Variants in FRMPD4 observed in about 807,000 individuals in gnomAD.
The protein encoded by FRMPD4 is FERM and PDZ domain containing 4, also known as FERM and PDZ domain-containing protein 4.
A neutral mutation model predicts 94.1 loss-of-function variants in FRMPD4; 22 were observed. That is an observed-to-expected ratio of 0.23 (90% CI 0.17 to 0.33). FRMPD4 has a LOEUF of 0.33. Among genes scored for constraint, FRMPD4 ranks in the 10% least tolerant of loss-of-function variants. FRMPD4 has a pLI of 1.00. For synonymous variants in FRMPD4, 631 were observed against 548.6 expected (o/e 1.15, Z -2.10); for missense variants, 1,111 against 1,339.9 (o/e 0.83, Z 2.67).
intron 1 of FRMPD4, among the ~76,000 whole-genome samples, chrX:12,380,115 A>G (rs2056299507): frequency 8.9e-6 from 1 of 111,881 alleles, no homozygotes; most frequent in Admixed American, 9.5e-5. Context: ...CACATTCTTC[A>G]ATTGTTCTGA....
intron 2 of FRMPD4, among the ~76,000 whole-genome samples, chrX:12,575,021 G>A (rs992577711): frequency 3.7e-4 from 41 of 111,501 alleles, no homozygotes; most frequent in African/African-American, 1.2e-3. Flanking sequence ...CCATGAACTC[G>A]TTAAAAGAAG....
chrX:11,935,267 G>T (rs1046652194), intron 3 of FRMPD4, among the ~76,000 whole-genome samples: 144 of 3,151 alleles, frequency 0.046, 1 homozygote, highest in Middle Eastern at 0.25. Context: ...TTTTTTTAAT[G>T]TGTTTTTTTT....
intron 9 of FRMPD4, among the ~76,000 whole-genome samples, chrX:12,700,407 A>C (rs1382797767): frequency 8.9e-6 from 1 of 112,440 alleles, no homozygotes; most frequent in Non-Finnish European, 1.9e-5. Flanking sequence ...GAATATGCCT[A>C]AGCAATGCAG....
intron 1 of FRMPD4, among the ~76,000 whole-genome samples, chrX:12,297,984 G>A (rs972544956): frequency 1.8e-5 from 2 of 111,235 alleles, no homozygotes; most frequent in Non-Finnish European, 3.8e-5. Context: ...GGAAAATGAT[G>A]CAGCTAATAA....
intron 1 of FRMPD4, among the ~76,000 whole-genome samples, chrX:12,296,605 T>C (rs999547065): frequency 4.5e-5 from 5 of 112,232 alleles, no homozygotes; most frequent in African/African-American, 1.3e-4. Flanking sequence ...CTTCAGGAAC[T>C]GCAACCTCAG....
chrX:12,152,305 C>T (rs2055864039), intron 1 of FRMPD4, among the ~76,000 whole-genome samples: 1 of 111,904 alleles, frequency 8.9e-6, no homozygotes, highest in Non-Finnish European at 1.9e-5. Flanking sequence ...CAACACTATG[C>T]AGCTGTAAGA....
chrX:12,153,946 C>A (rs2055897822), intron 1 of FRMPD4, among the ~76,000 whole-genome samples: 1 of 112,693 alleles, frequency 8.9e-6, no homozygotes, highest in Non-Finnish European at 1.9e-5. Context: ...TGGAACATAG[C>A]CATCCCCATT....
chrX:12,228,618 A>G (rs1183771756), intron 1 of FRMPD4, among the ~76,000 whole-genome samples: 1 of 112,516 alleles, frequency 8.9e-6, no homozygotes, highest in Admixed American at 9.4e-5. Flanking sequence ...TGATATTTTA[A>G]TAAGCCACAG....
chrX:12,520,635 C>T (rs2058152234), intron 2 of FRMPD4, among the ~76,000 whole-genome samples: 1 of 111,915 alleles, frequency 8.9e-6, no homozygotes, highest in African/African-American at 3.2e-5. Flanking sequence ...TTCACTTTGC[C>T]TTACTCTTTG....
intron 1 of FRMPD4, among the ~76,000 whole-genome samples, chrX:12,349,257 C>T: frequency 9.0e-6 from 1 of 111,185 alleles, no homozygotes; most frequent in Non-Finnish European, 1.9e-5. Context: ...ATTTTTAAAA[C>T]ACGGAATCTC....
chrX:12,660,171 C>T (rs2059699897), intron 4 of FRMPD4, among the ~76,000 whole-genome samples: 1 of 112,117 alleles, frequency 8.9e-6, no homozygotes, highest in Admixed American at 9.5e-5. Flanking sequence ...CTGATTTCTC[C>T]CTAGGTTTAA....
rs773045440 is a variant in FRMPD4 at position 12,554,868 on chromosome X, A to G, written c.159-54853A>G. 4.5e-5 allele frequency among the ~76,000 whole-genome samples: 5 copies of G among 111,453 alleles called. No homozygotes were observed. In the South Asian group the frequency reaches 1.9e-3, roughly 43 times the overall value. On this transcript the variant is annotated intron_variant, in intron 2 of 16. Coordinates refer to ENST00000675598, the MANE Select transcript of FRMPD4 (RefSeq NM_001368397.1). The stretch of plus-strand genomic sequence containing the variant: ...AGGCTCAAGTGATCCACCAATCTTG[A>G]TTGCCGAAAGTGTAGGGATTACAGG...
chrX:12,221,899 A>C (rs1321717815), intron 1 of FRMPD4, among the ~76,000 whole-genome samples: 1 of 112,264 alleles, frequency 8.9e-6, no homozygotes, highest in African/African-American at 3.2e-5. Flanking sequence ...TGGAATATAA[A>C]GTGTCATTAA....
chrX:11,980,731 CCTAAA>C (rs1361685110), intron 3 of FRMPD4, among the ~76,000 whole-genome samples: 2 of 111,830 alleles, frequency 1.8e-5, no homozygotes, highest in Non-Finnish European at 3.8e-5. Flanking sequence ...TAACTATCAC[CCTAAA>C]CTAATCTCAA....
chrX:11,858,001 GA>G (rs937255480), intron 1 of FRMPD4, among the ~76,000 whole-genome samples: 1 of 111,689 alleles, frequency 9.0e-6, no homozygotes, highest in African/African-American at 3.3e-5. Context: ...AAACCACAAT[GA>G]GATACCATCT....
At chrX:12,671,992 C>G (rs2059848930) in intron 4 of FRMPD4, among the ~76,000 whole-genome samples, 1 of 111,871 alleles carries the variant, frequency 8.9e-6, no homozygotes, top group African/African-American at 3.3e-5. Flanking sequence ...GTCAAAACTT[C>G]CAACTCCACA....
chrX:12,028,228 G>C (rs1466289783), intron 3 of FRMPD4, among the ~76,000 whole-genome samples: 1 of 112,037 alleles, frequency 8.9e-6, no homozygotes, highest in Non-Finnish European at 1.9e-5. Context: ...GTGGCCAGCT[G>C]CTTCTTCAAA....
At chrX:12,122,860 A>T (rs2055467222) in intron 3 of FRMPD4, among the ~76,000 whole-genome samples, 2 of 111,655 alleles carry the variant, frequency 1.8e-5, no homozygotes, top group Admixed American at 1.9e-4. Context: ...TTAGAAAAAG[A>T]TTTACTTCCT....
intron 1 of FRMPD4, among the ~76,000 whole-genome samples, chrX:12,411,829 A>G: frequency 9.0e-6 from 1 of 111,317 alleles, no homozygotes; most frequent in African/African-American, 3.3e-5. Context: ...CATCATATCT[A>G]GGCAGAAATG....
Sources: gnomAD v4.1 joint callset for allele counts (sites outside exome capture counted in the v4.1 genomes callset) on GRCh38, gnomAD v4.1.1 for gene constraint, MANE v1.5 for transcripts, NCBI Gene and HGNC (gene_info 2026-07-23, HGNC 2026-07-21) for gene names.